Variants in ZNF708 observed in about 807,000 individuals in gnomAD.
ZNF708 encodes ZNF15, ZNF15L1.
Under a neutral mutation model 47.0 loss-of-function variants are expected in ZNF708, and 44 were observed. That is an observed-to-expected ratio of 0.94 (90% CI 0.74 to 1.20). The LOEUF (loss-of-function observed/expected upper bound fraction) is 1.20. Among genes scored for constraint, ZNF708 ranks in the 50% most tolerant of loss-of-function variants. The pLI is 0.00. For synonymous variants in ZNF708, 184 were observed against 218.5 expected (o/e 0.84, Z 1.39); for missense variants, 557 against 656.0 (o/e 0.85, Z 1.65).
intron 3 of ZNF708, among the ~76,000 whole-genome samples, chr19:21,301,511 G>C (rs1470120574): frequency 6.6e-6 from 1 of 152,166 alleles, no homozygotes. Flanking sequence ...AGCTACTCCG[G>C]AGGCTGAGAC....
intron 3 of ZNF708, among the ~76,000 whole-genome samples, chr19:21,302,486 T>C (rs1031298133): frequency 6.6e-6 from 1 of 151,890 alleles, no homozygotes; most frequent in African/African-American, 2.4e-5. Flanking sequence ...TCACCTGAGG[T>C]CAGAAGTTTG....
Position 21,329,219 on chromosome 19 carries a change from G to T in ZNF708, c.-7C>A. On this transcript the variant is annotated 5_prime_UTR_variant, in exon 1 of 4. Coordinates refer to ENST00000356929, the MANE Select transcript of ZNF708 (RefSeq NM_021269.3). ...CGGACGGCACTCTCACCATTTCTAGGCTTCCAGAGGGTCCTGGAGTCTTAG... is the reference window on the plus strand; with the variant it reads ...CGGACGGCACTCTCACCATTTCTAGTCTTCCAGAGGGTCCTGGAGTCTTAG... The T allele has an allele frequency of 6.2e-7, 1 of 1,611,842 alleles. No individual in the cohort carries two copies. Among genetic ancestry groups the T allele is most frequent in the Non-Finnish European group, 8.5e-7 (1 of 1,178,404 alleles).
rs982360562 is a variant in ZNF708 at position 21,328,069 on chromosome 19, C to A, written c.3+1141G>T. 3 of 974,948 alleles carry A rather than the reference C, an allele frequency of 3.1e-6. No homozygotes were observed. In the African/African-American group the frequency reaches 5.3e-5, roughly 17 times the overall value. The allele number at this position is 974,948 out of a possible 1,614,324, so 60.4% of individuals were successfully genotyped here. A position where few individuals can be genotyped will look rare whatever the true frequency, so the allele number is the denominator to read the frequency against. On this transcript the variant is annotated intron_variant, in intron 1 of 3. Coordinates refer to ENST00000356929, the MANE Select transcript of ZNF708 (RefSeq NM_021269.3). ...GGTTTACTCCAGACAGTACTGAAAC[C>A]CAGGACCAGGAAAAAACTGAAGGGT...
chr19:21,295,796 T>C (rs192794151), intron 3 of ZNF708, among the ~76,000 whole-genome samples: 1 of 151,948 alleles, frequency 6.6e-6, no homozygotes, highest in Non-Finnish European at 1.5e-5. Context: ...TAAATCTCAA[T>C]CAAAGATTAA....
chr19:21,292,645 CA>C lies in ZNF708; in HGVS notation c.*628del, dbSNP rs1972418952. ...CTCTTTTATTTGTAATGTTTGTCTT[CA>C]AAATAAATACTTTAAAAGCTTATAT... is the stretch of plus-strand genomic sequence containing the variant. On this transcript the variant is annotated 3_prime_UTR_variant, in exon 4 of 4. Coordinates refer to ENST00000356929, the MANE Select transcript of ZNF708 (RefSeq NM_021269.3). 6.6e-6 allele frequency: 1 copy of C among 152,252 alleles called. No individual in the cohort carries two copies. Among genetic ancestry groups the C allele is most frequent in the African/African-American group, 2.4e-5 (1 of 41,376 alleles). The allele number at this position is 152,252 out of a possible 1,614,324, so 9.4% of individuals were successfully genotyped here.
Position 21,308,281 on chromosome 19 carries a change from T to C in ZNF708, c.226+965A>G, listed in dbSNP as rs533777650. 2.4e-3 allele frequency among the ~76,000 whole-genome samples: 326 copies of C among 137,500 alleles called. 2 individuals are homozygous for C. Among genetic ancestry groups the C allele is most frequent in the African/African-American group, 8.6e-3 (309 of 35,816 alleles). 90.2% of individuals were successfully genotyped at this position (137,500 alleles called of 152,430 possible). A position where few individuals can be genotyped will look rare whatever the true frequency, so the allele number is the denominator to read the frequency against. ...AATTTACATGAAACTATAATAAATC[T>C]TTTTTTTTTTTTTTTGAGATTGAGT... On this transcript the variant is annotated intron_variant, in intron 3 of 3. Transcript: ENST00000356929.
At chr19:21,316,928 A>T (rs1973026664) in intron 1 of ZNF708, among the ~76,000 whole-genome samples, 1 of 151,912 alleles carries the variant, frequency 6.6e-6, no homozygotes, top group Non-Finnish European at 1.5e-5. Context: ...CTGGCATTAC[A>T]GGCGTGTGCC....
chr19:21,298,841 A>C (rs796844456), intron 3 of ZNF708, among the ~76,000 whole-genome samples: 2 of 152,338 alleles, frequency 1.3e-5, no homozygotes, highest in African/African-American at 4.8e-5. Flanking sequence ...ATCATTTAGT[A>C]AATATAATTT....
chr19:21,313,532 G>T (rs1172217700), intron 1 of ZNF708, among the ~76,000 whole-genome samples: 1 of 151,980 alleles, frequency 6.6e-6, no homozygotes, highest in East Asian at 1.9e-4. Flanking sequence ...GGCCCAGGCG[G>T]GCAGATCATG....
intron 1 of ZNF708, among the ~76,000 whole-genome samples, chr19:21,312,093 G>A (rs373782092): frequency 6.6e-6 from 1 of 152,114 alleles, no homozygotes; most frequent in Non-Finnish European, 1.5e-5. Flanking sequence ...TCAGAAGTTC[G>A]AAACCAGCCT....
Position 21,293,457 on chromosome 19 carries a change from G to C in ZNF708, c.1509C>G (p.Pro503=), listed in dbSNP as rs1972439867. 1 of 1,613,572 alleles carries C rather than the reference G, an allele frequency of 6.2e-7. No homozygotes were observed. The highest frequency in any genetic ancestry group is 8.5e-7 in the Non-Finnish European group (1 of 1,179,830). The part of the protein sequence containing the change: ...THKIIHTGEK[P]YKCKECGKAF... Reference sequence around the variant, plus strand: ...CTTTGCCACATTCTTTACATTTGTAGGGTTTCTCTCCAGTATGAATTATCT... The same window carrying C: ...CTTTGCCACATTCTTTACATTTGTACGGTTTCTCTCCAGTATGAATTATCT... The change falls in exon 4 of 4, where the codon CCC becomes CCG. Residue 503 remains proline (P), a synonymous_variant. Transcript: ENST00000356929.
intron 1 of ZNF708, among the ~76,000 whole-genome samples, chr19:21,324,277 G>T (rs1312641379): frequency 6.8e-6 from 1 of 147,870 alleles, no homozygotes. Context: ...AAAAAATCCA[G>T]CGTTTCTTGG....
intron 3 of ZNF708, among the ~76,000 whole-genome samples, chr19:21,302,643 G>C (rs940832107): frequency 2.0e-5 from 3 of 152,176 alleles, no homozygotes; most frequent in Admixed American, 6.6e-5. Context: ...AGGTTGCAGT[G>C]AGCCGAGATC....
At chr19:21,297,526 C>A (rs898775525) in intron 3 of ZNF708, among the ~76,000 whole-genome samples, 6 of 125,244 alleles carry the variant, frequency 4.8e-5, no homozygotes, top group Non-Finnish European at 7.1e-5. Context: ...AATACAAAAA[C>A]CAAAGGACAC....
rs1972388893 is a variant in ZNF708, at chr19:21,291,310, T to C, written c.*1964A>G. The stretch of plus-strand genomic sequence containing the variant: ...CACCTACCTCATGCACCACTCAATA[T>C]CATAATTAACCACAAATACCATCTC... On this transcript the variant is annotated 3_prime_UTR_variant, in exon 4 of 4. Coordinates refer to ENST00000356929, the MANE Select transcript of ZNF708 (RefSeq NM_021269.3). 6.6e-6 allele frequency: 1 copy of C among 152,148 alleles called. No individual in the cohort carries two copies. The highest frequency in any genetic ancestry group is 1.5e-5 in the Non-Finnish European group (1 of 68,044). 9.4% of individuals were successfully genotyped at this position (152,148 alleles called of 1,614,324 possible).
chr19:21,328,917 T>C (rs1360201089), intron 1 of ZNF708, among the ~76,000 whole-genome samples: 5 of 152,118 alleles, frequency 3.3e-5, no homozygotes, highest in Admixed American at 6.5e-5. Context: ...CACCCTCCCA[T>C]GGTCCCTGCA....
At chr19:21,310,402 G>A (rs1039583700) in intron 2 of ZNF708, 99 bp downstream of exon 2, 101 of 476,512 alleles carry the variant, frequency 2.1e-4, no homozygotes, top group Middle Eastern at 9.3e-4. Flanking sequence ...CCAAGATTGC[G>A]CCACTGCACT....
chr19:21,299,772 CAA>C (rs11311903), intron 3 of ZNF708, among the ~76,000 whole-genome samples: 60 of 110,234 alleles, frequency 5.4e-4, no homozygotes, highest in South Asian at 9.1e-4. Flanking sequence ...GACTCCATCT[CAA>C]AAAAAAAAAA....
At chr19:21,307,445 G>A (rs1335945962) in intron 3 of ZNF708, among the ~76,000 whole-genome samples, 2 of 152,030 alleles carry the variant, frequency 1.3e-5, no homozygotes, top group Non-Finnish European at 2.9e-5. Flanking sequence ...CCAACATGGT[G>A]AAACCCCGTC....
Sources: gnomAD v4.1 joint callset for allele counts (sites outside exome capture counted in the v4.1 genomes callset) on GRCh38, gnomAD v4.1.1 for gene constraint, MANE v1.5 for transcripts, NCBI Gene and HGNC (gene_info 2026-07-23, HGNC 2026-07-21) for gene names.